NPEPPS: variants seen among roughly 807,000 people sequenced by gnomAD.
The protein encoded by NPEPPS is puromycin-sensitive aminopeptidase.
In NPEPPS, 14 loss-of-function variants were observed where a neutral mutation model predicts 115.5. The ratio of observed to expected loss-of-function variants is 0.12; its 90% CI spans 0.08 to 0.19. The LOEUF (loss-of-function observed/expected upper bound fraction) is 0.19. NPEPPS is among the 10% of genes least tolerant of loss of function. The probability of loss-of-function intolerance (pLI) is 1.00; values close to 1 mark genes in which losing one functional copy is unlikely to be tolerated. For synonymous variants in NPEPPS, 285 were observed against 390.6 expected (o/e 0.73, Z 3.19); for missense variants, 523 against 1,110.8 (o/e 0.47, Z 7.52).
intron 1 of NPEPPS, among the ~76,000 whole-genome samples, chr17:47,539,824 T>A (rs1462115675): frequency 6.6e-6 from 1 of 152,198 alleles, no homozygotes; most frequent in Non-Finnish European, 1.5e-5. Context: ...CTGCTTCTTC[T>A]TGTCTTTAGC....
In NPEPPS at chr17:47,622,825, A is replaced by C. The variant is rs980250847; in HGVS notation, c.*905A>C. On this transcript the variant is annotated 3_prime_UTR_variant, in exon 23 of 23. Coordinates refer to ENST00000322157, the MANE Select transcript of NPEPPS (RefSeq NM_006310.4). ...TTTCTGAAGGAGTTATTCTGCTAAAAATGGTCTTAGTTGTCTGAAAAGCCA... is the reference window on the plus strand; with the variant it reads ...TTTCTGAAGGAGTTATTCTGCTAAACATGGTCTTAGTTGTCTGAAAAGCCA... The C allele has an allele frequency of 4.4e-6, 2 of 454,460 alleles. No individual in the cohort carries two copies. Among genetic ancestry groups the C allele is most frequent in the Non-Finnish European group, 4.4e-6 (1 of 226,316 alleles). 28.2% of individuals were successfully genotyped at this position (454,460 alleles called of 1,614,324 possible). A position where few individuals can be genotyped will look rare whatever the true frequency, so the allele number is the denominator to read the frequency against.
intron 3 of NPEPPS, among the ~76,000 whole-genome samples, chr17:47,573,711 C>G (rs545170467): frequency 6.6e-6 from 1 of 152,246 alleles, no homozygotes; most frequent in South Asian, 2.1e-4. Flanking sequence ...CAGAGCAAGA[C>G]TGTCTCAAAG....
intron 17 of NPEPPS, among the ~76,000 whole-genome samples, chr17:47,611,769 G>A (rs1335008852): frequency 6.6e-6 from 1 of 152,186 alleles, no homozygotes; most frequent in Admixed American, 6.5e-5. Context: ...TACTGTGCCT[G>A]GCCATAACTG....
intron 2 of NPEPPS, among the ~76,000 whole-genome samples, chr17:47,548,659 C>T (rs1250531208): frequency 1.3e-5 from 2 of 149,894 alleles, no homozygotes; most frequent in Non-Finnish European, 2.9e-5. Flanking sequence ...TTGCTGCAAC[C>T]TCCGCCTCTG....
chr17:47,538,256 A>AG (rs1218531581), intron 1 of NPEPPS, among the ~76,000 whole-genome samples: 1 of 109,864 alleles, frequency 9.1e-6, no homozygotes, highest in Non-Finnish European at 1.7e-5. Context: ...TGCCTAGGCC[A>AG]GGCTGGAGTG....
intron 12 of NPEPPS, 128 bp from the exon 13 acceptor site, chr17:47,596,225 C>G (rs554632501): frequency 3.5e-5 from 20 of 574,762 alleles, no homozygotes; most frequent in African/African-American, 2.6e-4. Flanking sequence ...GTTAATTTGG[C>G]TCACTGTTTC....
At position 47,618,442 on chromosome 17, in the gene NPEPPS, C is replaced by T; in HGVS notation, c.2388C>T (p.Leu796=). ...TLLPDLIQKV[L]TFALSEEVRP... is the part of the protein sequence containing the mutation. Reference sequence around the variant, plus strand: ...TGCCTGACCTGATTCAAAAAGTCCTCACGTTTGCACTTTCAGTAAGTTACG... The same window carrying T: ...TGCCTGACCTGATTCAAAAAGTCCTTACGTTTGCACTTTCAGTAAGTTACG... Residue 796 remains leucine, a synonymous_variant, in exon 20 of 23, where the codon CTC becomes CTT. Transcript: ENST00000322157. 1 of 1,612,514 alleles carries T rather than the reference C, an allele frequency of 6.2e-7. No individual in the cohort carries two copies. The highest frequency in any genetic ancestry group is 1.7e-4 in the Middle Eastern group (1 of 6,060).
chr17:47,550,643 T>A (rs1463774971), intron 2 of NPEPPS, among the ~76,000 whole-genome samples: 1 of 147,948 alleles, frequency 6.8e-6, no homozygotes, highest in East Asian at 1.9e-4. Context: ...TTTTTTTTTT[T>A]TTTGAGACAG....
At chr17:47,549,376 A>T (rs1188621910) in intron 2 of NPEPPS, among the ~76,000 whole-genome samples, 2 of 151,958 alleles carry the variant, frequency 1.3e-5, no homozygotes, top group Non-Finnish European at 2.9e-5. Flanking sequence ...GCTAAGGTAC[A>T]TTTCTCAACA....
At chr17:47,536,305 G>T (rs1466363817) in intron 1 of NPEPPS, among the ~76,000 whole-genome samples, 1 of 151,658 alleles carries the variant, frequency 6.6e-6, no homozygotes, top group Non-Finnish European at 1.5e-5. Flanking sequence ...TAGTTTGTTT[G>T]GCAGATTAAA....
upstream of NPEPPS, among the ~76,000 whole-genome samples, chr17:47,527,320 T>C (rs1256274093): frequency 6.6e-6 from 1 of 151,592 alleles, no homozygotes; most frequent in Non-Finnish European, 1.5e-5. Flanking sequence ...CCATCTCTAC[T>C]AAAAATACAA....
chr17:47,547,999 C>T (rs1180639892), intron 2 of NPEPPS, among the ~76,000 whole-genome samples: 1 of 152,134 alleles, frequency 6.6e-6, no homozygotes, highest in Non-Finnish European at 1.5e-5. Context: ...GCACTCCAGC[C>T]TGGGCGACAG....
Position 47,618,413 on chromosome 17 carries a change from C to G in NPEPPS, c.2359C>G (p.Leu787Val). ...AATCGAAAGAGTCCTTGGCGCTACT[C>G]TTTTGCCTGACCTGATTCAAAAAGT... Reference protein sequence around the residue: ...NRIERVLGATLLPDLIQKVLT... With the variant: ...NRIERVLGATVLPDLIQKVLT... The change falls in exon 20 of 23, where the codon CTT becomes GTT. Residue 787 changes from leucine to valine, a missense_variant. Leu to Val is a conservative substitution (Grantham distance 32). Coordinates refer to ENST00000322157, the MANE Select transcript of NPEPPS (RefSeq NM_006310.4). 6.2e-7 allele frequency: 1 copy of G among 1,613,934 alleles called. No individual in the cohort carries two copies. Among genetic ancestry groups the G allele is most frequent in the Non-Finnish European group, 8.5e-7 (1 of 1,179,856 alleles).
intron 12 of NPEPPS, among the ~76,000 whole-genome samples, chr17:47,593,865 TA>T (rs1409613301): frequency 6.6e-6 from 1 of 152,124 alleles, no homozygotes; most frequent in East Asian, 1.9e-4. Context: ...AATATGATAT[TA>T]AAGATGCTCC....
intron 10 of NPEPPS, chr17:47,591,735 A>G (rs1912517836): frequency 2.3e-6 from 1 of 432,134 alleles, no homozygotes; most frequent in African/African-American, 2.1e-5. Flanking sequence ...GAACAAAGCC[A>G]GGACTGGAAC....
At chr17:47,531,744 G>T (rs1260619103) in intron 1 of NPEPPS, among the ~76,000 whole-genome samples, 189 bp downstream of exon 1, 2 of 151,596 alleles carry the variant, frequency 1.3e-5, no homozygotes, top group Admixed American at 6.6e-5. Context: ...GGCTGGGGCC[G>T]GGGCAGGGAC....
chr17:47,583,605 G>C (rs1410286606), intron 5 of NPEPPS, among the ~76,000 whole-genome samples: 3 of 151,224 alleles, frequency 2.0e-5, no homozygotes, highest in Non-Finnish European at 4.4e-5. Context: ...AAAAGAAAAA[G>C]GTCTTGACTT....
At position 47,602,236 on chromosome 17, in the gene NPEPPS, C is replaced by G. The variant is rs1025441271; in HGVS notation, c.1740+489C>G. Among the ~76,000 whole-genome samples the G allele has an allele frequency of 2.5e-4, 38 of 152,266 alleles. 1 individual carries two copies. The highest frequency in any genetic ancestry group is 2.5e-3 in the Admixed American group (38 of 15,282). On this transcript the variant is annotated intron_variant, in intron 15 of 22. Coordinates refer to ENST00000322157, the MANE Select transcript of NPEPPS (RefSeq NM_006310.4). ...GAATTATTTTTCATTATTCTGTACT[C>G]TGTACCTTTCATAATGAAAGTATTT...
intron 17 of NPEPPS, among the ~76,000 whole-genome samples, chr17:47,610,415 C>T (rs956883189): frequency 5.9e-5 from 9 of 151,460 alleles, no homozygotes; most frequent in Non-Finnish European, 1.3e-4. Context: ...AACAGAGTCT[C>T]ACACTGTTGC....
Sources: allele counts gnomAD v4.1 joint callset (sites outside exome capture counted in the v4.1 genomes callset), GRCh38; gene constraint gnomAD v4.1.1; transcripts MANE v1.5; gene names NCBI Gene and HGNC (gene_info 2026-07-23, HGNC 2026-07-21).